The following ATP10B variants were observed in gnomAD, a reference collection of about 807,000 sequenced individuals.
ATP10B encodes ATPase phospholipid transporting 10B (putative), also known as phospholipid-transporting ATPase VB.
ATP10B carries 122 observed loss-of-function variants against 141.2 expected under a neutral mutation model. That is an observed-to-expected ratio of 0.86 (90% CI 0.75 to 1.00). The LOEUF (loss-of-function observed/expected upper bound fraction) is 1.00. Among genes scored for constraint, ATP10B ranks in the 50% least tolerant of loss-of-function variants. The pLI is 0.00. For missense variants in ATP10B, 1,876 were observed against 1,825.3 expected (o/e 1.03, Z -0.51); for synonymous variants, 685 against 692.0 (o/e 0.99, Z 0.16).
At chr5:160,724,946 C>T (rs1766232146) in intron 2 of ATP10B, among the ~76,000 whole-genome samples, 1 of 152,162 alleles carries the variant, frequency 6.6e-6, no homozygotes, top group Non-Finnish European at 1.5e-5. Context: ...CCATTGCTTT[C>T]CACTACTAGC....
At chr5:160,582,005 T>C (rs1236171511) in intron 24 of ATP10B, among the ~76,000 whole-genome samples, 1 of 152,214 alleles carries the variant, frequency 6.6e-6, no homozygotes, top group Admixed American at 6.5e-5. Flanking sequence ...GCTTGGTAAG[T>C]ATTCCTCCAT....
At chr5:160,800,465 G>C (rs776369434) in intron 1 of ATP10B, among the ~76,000 whole-genome samples, 11 of 152,176 alleles carry the variant, frequency 7.2e-5, no homozygotes, top group Non-Finnish European at 1.6e-4. Flanking sequence ...AGAGAAGTCA[G>C]AAACTTGTCC....
chr5:160,877,871 T>C, the ATP10B span, among the ~76,000 whole-genome samples: 1 of 145,850 alleles, frequency 6.9e-6, no homozygotes, highest in African/African-American at 2.5e-5. Flanking sequence ...CACAGCTCAA[T>C]GAAATAAAAG....
At chr5:160,818,772 G>A (rs1773880102) in intron 1 of ATP10B, among the ~76,000 whole-genome samples, 1 of 152,150 alleles carries the variant, frequency 6.6e-6, no homozygotes, top group Non-Finnish European at 1.5e-5. Flanking sequence ...ATGATAGACT[G>A]GATTAAGAAA....
At chr5:160,758,698 G>C (rs1768811297) in intron 2 of ATP10B, among the ~76,000 whole-genome samples, 1 of 152,204 alleles carries the variant, frequency 6.6e-6, no homozygotes, top group Admixed American at 6.5e-5. Context: ...AGATGGGTGA[G>C]TAGACTTGGG....
intron 2 of ATP10B, among the ~76,000 whole-genome samples, chr5:160,721,678 C>T (rs954657030): frequency 4.6e-4 from 70 of 152,078 alleles, no homozygotes; most frequent in African/African-American, 1.5e-3. Context: ...GCCAGTCTTA[C>T]AAAGAAAACA....
At chr5:160,835,491 C>T (rs1012820869) in intron 1 of ATP10B, among the ~76,000 whole-genome samples, 2 of 152,148 alleles carry the variant, frequency 1.3e-5, no homozygotes, top group African/African-American at 4.8e-5. Context: ...CTCCCACCTG[C>T]ATTGGGAATA....
At chr5:160,578,914 T>G (rs913734158) in intron 24 of ATP10B, among the ~76,000 whole-genome samples, 6 of 152,244 alleles carry the variant, frequency 3.9e-5, no homozygotes, top group Admixed American at 2.0e-4. Context: ...TGGTTTTGAT[T>G]TGCATTTCTC....
chr5:160,653,443 CATAGGTAGTATATATACATATGT>C (rs1761087699), intron 7 of ATP10B, among the ~76,000 whole-genome samples: 1 of 48,588 alleles, frequency 2.1e-5, no homozygotes, highest in African/African-American at 7.6e-5. Context: ...TACATACATA[CATAGGTAGTATATATACATATGT>C]ACATACATAC....
At chr5:160,668,311 A>G (rs1762451427) in intron 7 of ATP10B, among the ~76,000 whole-genome samples, 2 of 151,680 alleles carry the variant, frequency 1.3e-5, no homozygotes, top group African/African-American at 4.8e-5. Context: ...TCATTCTTAC[A>G]TACTCATTCA....
In ATP10B at chr5:160,823,001, CATATATATATATATATAT is replaced by C. The variant is rs60078265; in HGVS notation, c.-576+28922_-576+28939del. Among the ~76,000 whole-genome samples the C allele has an allele frequency of 7.0e-3, 240 of 34,502 alleles. 4 individuals are homozygous for C. Among genetic ancestry groups the C allele is most frequent in the African/African-American group, 0.022 (233 of 10,726 alleles). The allele number at this position is 34,502 out of a possible 152,430, so 22.6% of individuals were successfully genotyped here. Reference sequence around the variant, plus strand: ...AAAATTACATATACATATATATATACATATATATATATATATATATATATATATATATATAAAATAAAG... The same window carrying C: ...AAAATTACATATACATATATATATACATATATATATATATATAAAATAAAG... On this transcript the variant is annotated intron_variant, in intron 1 of 25. Transcript: ENST00000327245.
chr5:160,572,044 C>G (rs889059210), intron 24 of ATP10B, among the ~76,000 whole-genome samples: 1 of 152,188 alleles, frequency 6.6e-6, no homozygotes, highest in Non-Finnish European at 1.5e-5. Flanking sequence ...TTTGCTCAAT[C>G]AAGTCTGCCA....
the ATP10B span, among the ~76,000 whole-genome samples, chr5:160,890,768 G>A: frequency 2.0e-4 from 31 of 152,008 alleles, no homozygotes; most frequent in Non-Finnish European, 3.8e-4. Flanking sequence ...AGGCTGTAGT[G>A]CAGTGGCACA....
At chr5:160,763,794 A>G (rs1191555041) in intron 2 of ATP10B, among the ~76,000 whole-genome samples, 2 of 152,140 alleles carry the variant, frequency 1.3e-5, no homozygotes. Context: ...GATAAACGAA[A>G]TCAATAGACC....
intron 7 of ATP10B, among the ~76,000 whole-genome samples, chr5:160,664,510 C>A (rs1390866323): frequency 3.3e-5 from 5 of 152,212 alleles, no homozygotes; most frequent in Non-Finnish European, 7.3e-5. Flanking sequence ...ACCTGAGCAA[C>A]AAACAGATAC....
At chr5:160,699,950 T>G (rs1339846374) in intron 3 of ATP10B, among the ~76,000 whole-genome samples, 1 of 152,120 alleles carries the variant, frequency 6.6e-6, no homozygotes, top group African/African-American at 2.4e-5. Context: ...TTAGTGAAAC[T>G]TCACAAAATA....
intron 9 of ATP10B, among the ~76,000 whole-genome samples, chr5:160,642,507 A>C (rs1474204114): frequency 6.6e-6 from 1 of 152,142 alleles, no homozygotes; most frequent in Admixed American, 6.5e-5. Context: ...ACGTCTTGAG[A>C]AATTTGGGTT....
At chr5:160,675,203 A>G (rs1762948597) in intron 6 of ATP10B, among the ~76,000 whole-genome samples, 1 of 152,220 alleles carries the variant, frequency 6.6e-6, no homozygotes, top group Non-Finnish European at 1.5e-5. Flanking sequence ...GGAAACATCC[A>G]CACACCCTGG....
intron 2 of ATP10B, among the ~76,000 whole-genome samples, chr5:160,746,366 T>C (rs571904592): frequency 4.6e-5 from 7 of 151,712 alleles, no homozygotes; most frequent in African/African-American, 1.7e-4. Flanking sequence ...TCAGGACAAG[T>C]GGCTGAGGTC....
Sources: allele counts gnomAD v4.1 joint callset (sites outside exome capture counted in the v4.1 genomes callset), GRCh38; gene constraint gnomAD v4.1.1; transcripts MANE v1.5; gene names NCBI Gene and HGNC (gene_info 2026-07-23, HGNC 2026-07-21).